Variants in AKAP8 observed in about 807,000 individuals in gnomAD.
AKAP8 encodes A-kinase anchor protein 8.
AKAP8 carries 24 observed loss-of-function variants against 67.5 expected under a neutral mutation model. The observed-to-expected ratio is 0.36, with a 90% CI of 0.26 to 0.50. The LOEUF is 0.50. Ranked by LOEUF, AKAP8 falls within the 20% of genes least tolerant of loss-of-function variation. AKAP8 has a pLI of 0.97. For missense variants in AKAP8, 971 were observed against 955.9 expected, an observed-to-expected ratio of 1.02 and a Z score of -0.21; for synonymous variants, 400 against 371.1, an observed-to-expected ratio of 1.08 and a Z score of -0.90.
At chr19:15,361,845 T>C in intron 10 of AKAP8, 23 bp from the exon 11 acceptor site, 1 of 1,597,184 alleles carries the variant, frequency 6.3e-7, no homozygotes, top group Non-Finnish European at 8.6e-7. Flanking sequence ...GGAGAGGGCA[T>C]AAAGTAAAAT....
In AKAP8 at chr19:15,374,903, G is replaced by A. The variant is rs76095068; in HGVS notation, c.59-268C>T. ...ACGCCGCACGCTCCCCAGGAAGCTC[G>A]TCCACTGTGGGCTGCTGGCCAAGAG... On this transcript the variant is annotated intron_variant, in intron 2 of 13. Coordinates refer to ENST00000269701, the MANE Select transcript of AKAP8 (RefSeq NM_005858.4). Among the ~76,000 whole-genome samples, 509 of 152,324 alleles carry A rather than the reference G, an allele frequency of 3.3e-3. 3 individuals are homozygous for A. In the East Asian group the frequency reaches 0.057, roughly 17 times the overall value.
chr19:15,368,562 G>C (rs954362511), intron 8 of AKAP8: 10 of 985,132 alleles, frequency 1.0e-5, no homozygotes, highest in African/African-American at 3.5e-5. Context: ...GCCAGGATGG[G>C]CTAGGGACAC....
chr19:15,372,672 A>G (rs1343755874), intron 5 of AKAP8, among the ~76,000 whole-genome samples, 179 bp downstream of exon 5: 1 of 152,192 alleles, frequency 6.6e-6, no homozygotes, highest in African/African-American at 2.4e-5. Context: ...TCTGGTTGAC[A>G]TAAATGCTAA....
intron 7 of AKAP8, among the ~76,000 whole-genome samples, chr19:15,371,141 T>C (rs1967150232): frequency 6.6e-6 from 1 of 152,206 alleles, no homozygotes. Context: ...GTTCCCTGCC[T>C]GTGTGACTCT....
rs530407902 is a variant in AKAP8 at position 15,354,325 on chromosome 19, G to T, written c.*590C>A. On this transcript the variant is annotated 3_prime_UTR_variant, in exon 14 of 14. Coordinates refer to ENST00000269701, the MANE Select transcript of AKAP8 (RefSeq NM_005858.4). ...TCTGGTTCTTGAGGTTGCGGTGGGT[G>T]TGTTTCCAGTGGCGTAGGTCGGTCA... The T allele has an allele frequency of 3.9e-5, 6 of 154,588 alleles. No homozygotes were observed. Among genetic ancestry groups the T allele is most frequent in the Non-Finnish European group, 5.8e-5 (4 of 69,548 alleles). The allele number at this position is 154,588 out of a possible 1,614,324, so 9.6% of individuals were successfully genotyped here.
At chr19:15,378,053 C>G (rs1157900754) in intron 1 of AKAP8, among the ~76,000 whole-genome samples, 1 of 152,212 alleles carries the variant, frequency 6.6e-6, no homozygotes, top group South Asian at 2.1e-4. Context: ...GAACAACTCC[C>G]CCGCCCCCGG....
chr19:15,355,199 T>C lies in AKAP8; in HGVS notation c.1795A>G (p.Ser599Gly). Residue 599 changes from serine to glycine, a missense_variant, in exon 14 of 14, where the codon AGC (serine) becomes GGC (glycine). Transcript: ENST00000269701. ...VDGEGAPAPESSGEPAEDEGP... is the reference protein window; with the variant it reads ...VDGEGAPAPEGSGEPAEDEGP... ...TCGTCCTCAGCCGGCTCCCCGCTGC[T>C]CTCTGGAGCGGGCGCTCCTTCCCCA... 1.2e-6 allele frequency: 2 copies of C among 1,611,646 alleles called. No homozygotes were observed. The highest frequency in any genetic ancestry group is 1.7e-6 in the Non-Finnish European group (2 of 1,180,008).
chr19:15,368,939 G>A, intron 8 of AKAP8: 8 of 985,956 alleles, frequency 8.1e-6, no homozygotes, highest in Non-Finnish European at 9.6e-6. Context: ...AGACCAATTG[G>A]TCCTCCCGTC....
At chr19:15,355,881 C>G (rs200532133) in intron 13 of AKAP8, among the ~76,000 whole-genome samples, 4 of 151,900 alleles carry the variant, frequency 2.6e-5, no homozygotes, top group African/African-American at 9.7e-5. Context: ...GGATTACAGG[C>G]AGGAGCCACC....
At position 15,370,169 on chromosome 19, in the gene AKAP8, A is replaced by T; in HGVS notation, c.1049T>A (p.Leu350His). 3 of 1,614,154 alleles carry T rather than the reference A, an allele frequency of 1.9e-6. No individual in the cohort carries two copies. Among genetic ancestry groups the T allele is most frequent in the Non-Finnish European group, 2.5e-6 (3 of 1,180,022 alleles). The change falls in exon 8 of 14, where the codon CTC becomes CAC. Residue 350 changes from leucine to histidine, a missense_variant. Leu to His is a moderately conservative substitution (Grantham distance 99, BLOSUM62 -3). Around this residue, in one of 3 missense-constraint regions of AKAP8, gnomAD observed 763 missense variants for 745.4 expected, o/e 1.02. Coordinates refer to ENST00000269701, the MANE Select transcript of AKAP8 (RefSeq NM_005858.4). ...ACCTCTTTGCCTCCCAGAGTCGCAG[A>T]GTTCATCCTCCTGGAAAAGAGTATA... is the stretch of plus-strand genomic sequence containing the variant. ...GDEEFKGEDE[L>H]CDSGRQRGEK...
chr19:15,359,201 G>A (rs1017186596), intron 12 of AKAP8, 139 bp from the exon 13 acceptor site: 1 of 729,782 alleles, frequency 1.4e-6, no homozygotes, highest in Non-Finnish European at 2.3e-6. Flanking sequence ...TCCAAGAATA[G>A]AAGGCTCCAG....
rs1967220402 is a variant in AKAP8, at chr19:15,374,584, C to A, written c.91+19G>T. ...GGCCCACTTGCCCGCCCACAGACCCCCCCCACAGAAGGGCTTACCTTGCCA... is the reference window on the plus strand; with the variant it reads ...GGCCCACTTGCCCGCCCACAGACCCACCCCACAGAAGGGCTTACCTTGCCA... On this transcript the variant is annotated intron_variant, in intron 3 of 13. Coordinates refer to ENST00000269701, the MANE Select transcript of AKAP8 (RefSeq NM_005858.4). 6.2e-7 allele frequency: 1 copy of A among 1,612,784 alleles called. No individual in the cohort carries two copies. Among genetic ancestry groups the A allele is most frequent in the Non-Finnish European group, 8.5e-7 (1 of 1,179,328 alleles).
At chr19:15,355,544 C>T (rs562687838) in intron 13 of AKAP8, among the ~76,000 whole-genome samples, 174 bp from the exon 14 acceptor site, 1 of 143,484 alleles carries the variant, frequency 7.0e-6, no homozygotes, top group South Asian at 2.3e-4. Context: ...GAAAACACCT[C>T]GGGGAGATAT....
intron 9 of AKAP8, 134 bp from the exon 10 acceptor site, chr19:15,362,385 C>CCACGGTCTCCCTCTCCCTCTCTTTT: frequency 2.3e-6 from 1 of 433,750 alleles, no homozygotes; most frequent in Non-Finnish European, 3.5e-6. Flanking sequence ...CTCCCTCTCC[C>CCACGGTCTCCCTCTCCCTCTCTTTT]CACGGTCTCC....
intron 9 of AKAP8, among the ~76,000 whole-genome samples, chr19:15,365,022 GTA>G (rs1967046710): frequency 6.6e-6 from 1 of 152,198 alleles, no homozygotes; most frequent in African/African-American, 2.4e-5. Flanking sequence ...AGGCTTGCAG[GTA>G]TCTCAGGAAA....
At position 15,354,929 on chromosome 19, in the gene AKAP8, C is replaced by G; in HGVS notation, c.2065G>C (p.Val689Leu). ...GGAAATGAGCATCATTCTGTGGGAACAGCGTCTTTAGACTCTGCATCAGTT... is the reference window on the plus strand; with the variant it reads ...GGAAATGAGCATCATTCTGTGGGAAGAGCGTCTTTAGACTCTGCATCAGTT... ...EQTDAESKDA[V>L]PTE The change falls in exon 14 of 14, where the codon GTT becomes CTT. Residue 689 changes from valine (V) to leucine (L), a missense_variant. Coordinates refer to ENST00000269701, the MANE Select transcript of AKAP8 (RefSeq NM_005858.4). 3 of 1,613,802 alleles carry G rather than the reference C, an allele frequency of 1.9e-6. No individual in the cohort carries two copies. Among genetic ancestry groups the G allele is most frequent in the Non-Finnish European group, 2.5e-6 (3 of 1,179,804 alleles).
intron 9 of AKAP8, 67 bp downstream of exon 9, chr19:15,368,168 T>G: frequency 9.4e-6 from 15 of 1,588,240 alleles, no homozygotes; most frequent in African/African-American, 1.3e-5. Flanking sequence ...CGAGGACAGG[T>G]GAGCTCGGCA....
intron 9 of AKAP8, among the ~76,000 whole-genome samples, chr19:15,366,154 G>GAAAAAAAAA (rs374068497): frequency 1.1e-5 from 1 of 95,026 alleles, no homozygotes. Flanking sequence ...AAAGCAAAAA[G>GAAAAAAAAA]AAAAAAAAAA....
In AKAP8 at chr19:15,375,823, A is replaced by G. The variant is rs1967242697; in HGVS notation, c.58+1153T>C. Among the ~76,000 whole-genome samples, 3 of 152,084 alleles carry G rather than the reference A, an allele frequency of 2.0e-5. No individual in the cohort carries two copies. In the South Asian group the frequency reaches 6.2e-4, roughly 32 times the overall value. On this transcript the variant is annotated intron_variant, in intron 2 of 13. Coordinates refer to ENST00000269701, the MANE Select transcript of AKAP8 (RefSeq NM_005858.4). ...GGCTAATTTTTTTTGTATTTTTAGT[A>G]GAGACGGGGTTTCACTGTGTTAGCC... is the stretch of plus-strand genomic sequence containing the variant.
Sources: gnomAD v4.1 joint callset for allele counts (sites outside exome capture counted in the v4.1 genomes callset) on GRCh38, gnomAD v4.1.1 for gene constraint, gnomAD v4.1.1 regional missense constraint, MANE v1.5 for transcripts, NCBI Gene and HGNC (gene_info 2026-07-23, HGNC 2026-07-21) for gene names.